RASSF3: variants seen among roughly 807,000 people sequenced by gnomAD.
RASSF3 encodes the protein ras association domain-containing protein 3.
RASSF3 carries 19 observed loss-of-function variants against 19.9 expected under a neutral mutation model. The observed-to-expected ratio is 0.96, with a 90% confidence interval of 0.67 to 1.40. The LOEUF (loss-of-function observed/expected upper bound fraction) is 1.40, where lower values mean the gene tolerates loss of function less well. RASSF3 is among the 40% of genes most tolerant of loss of function. The pLI is 0.00. For missense variants in RASSF3, 306 were observed against 289.8 expected (o/e 1.06, Z -0.41); for synonymous variants, 110 against 104.2 (o/e 1.06, Z -0.34).
intron 2 of RASSF3, among the ~76,000 whole-genome samples, chr12:64,547,692 T>C (rs956178118): frequency 8.5e-5 from 13 of 152,246 alleles, no homozygotes; most frequent in African/African-American, 2.7e-4. Flanking sequence ...TGAAAGCTGG[T>C]ATTCAGTTTC....
At chr12:64,583,969 A>C (rs1438839959) in intron 2 of RASSF3, among the ~76,000 whole-genome samples, 1 of 152,246 alleles carries the variant, frequency 6.6e-6, no homozygotes, top group African/African-American at 2.4e-5. Flanking sequence ...GTAGCTGCAC[A>C]GCTCTTACCC....
rs565630201 is a variant in RASSF3, at chr12:64,696,161, T to C, written c.*1249T>C. 2.0e-3 allele frequency: 215 copies of C among 106,070 alleles called. No individual in the cohort carries two copies. The highest frequency in any genetic ancestry group is 7.2e-3 in the African/African-American group (206 of 28,422). 6.6% of individuals were successfully genotyped at this position (106,070 alleles called of 1,614,324 possible). ...TCTCCCTCTCCCTTTCTTTTCTACA[T>C]TGAAATCTGTTCTTACATAATAGAG... On this transcript the variant is annotated 3_prime_UTR_variant, in exon 5 of 5. Coordinates refer to ENST00000542104, the MANE Select transcript of RASSF3 (RefSeq NM_178169.4).
chr12:64,570,123 C>T (rs1869495111), intron 2 of RASSF3, among the ~76,000 whole-genome samples: 1 of 152,166 alleles, frequency 6.6e-6, no homozygotes, highest in Non-Finnish European at 1.5e-5. Flanking sequence ...TCAGATTTGA[C>T]CTTGGCTCAC....
intron 1 of RASSF3, among the ~76,000 whole-genome samples, chr12:64,680,745 C>G (rs1303808376): frequency 6.6e-6 from 1 of 152,026 alleles, no homozygotes; most frequent in African/African-American, 2.4e-5. Flanking sequence ...TCCCAAGTAG[C>G]TGGGACTACA....
chr12:64,621,386 A>T (rs542459992), intron 1 of RASSF3, among the ~76,000 whole-genome samples: 82 of 152,282 alleles, frequency 5.4e-4, no homozygotes, highest in African/African-American at 1.8e-3. Context: ...GTGCATTTTT[A>T]GCTTGGTAGA....
intron 2 of RASSF3, among the ~76,000 whole-genome samples, chr12:64,581,159 A>C (rs1376614954): frequency 6.6e-6 from 1 of 151,954 alleles, no homozygotes; most frequent in Non-Finnish European, 1.5e-5. Context: ...ATTTAAGCTA[A>C]GCACTCATCC....
intron 2 of RASSF3, among the ~76,000 whole-genome samples, chr12:64,581,714 G>A (rs756440249): frequency 5.9e-5 from 9 of 152,056 alleles, no homozygotes; most frequent in Admixed American, 1.3e-4. Context: ...TACATATAAT[G>A]AAGACCTCAT....
At chr12:64,585,027 A>G (rs1869771264) in intron 2 of RASSF3, among the ~76,000 whole-genome samples, 1 of 151,412 alleles carries the variant, frequency 6.6e-6, no homozygotes, top group Non-Finnish European at 1.5e-5. Flanking sequence ...CTGGGACTAC[A>G]GGCGCATGCC....
Position 64,514,145 on chromosome 12 carries a change from C to A in RASSF3, c.169+6816C>A, listed in dbSNP as rs1191769196. Among the ~76,000 whole-genome samples, 5 of 149,924 alleles carry A rather than the reference C, an allele frequency of 3.3e-5. No homozygotes were observed. In the Admixed American group the frequency reaches 3.3e-4, roughly 10 times the overall value. ...CTCGTGATCCACCTGCCTCAGCCTC[C>A]CAAAGTGCTGGGATTACAGGCATGA... On this transcript the variant is annotated intron_variant, in intron 1 of 5. Coordinates refer to the RASSF3 transcript ENST00000637125.
rs1396930109 is a variant in RASSF3, at chr12:64,619,346, G to A, written c.111+8603G>A. ...GAACTTCCCTTTTTTTTTTCCACAT[G>A]AGCCAATAAGATAAAACTGACCTAA... On this transcript the variant is annotated intron_variant, in intron 1 of 4. Transcript: ENST00000542104. 2.6e-5 allele frequency among the ~76,000 whole-genome samples: 4 copies of A among 151,096 alleles called. No homozygotes were observed. The South Asian group carries it at 8.4e-4, about 32-fold the overall frequency.
At chr12:64,567,725 AAG>A (rs1266501364) in intron 2 of RASSF3, among the ~76,000 whole-genome samples, 2 of 152,224 alleles carry the variant, frequency 1.3e-5, no homozygotes, top group East Asian at 3.8e-4. Flanking sequence ...GTTCCCTGAT[AAG>A]AGTCTCACAA....
intron 1 of RASSF3, among the ~76,000 whole-genome samples, chr12:64,632,518 G>C (rs1208726864): frequency 1.3e-5 from 2 of 152,106 alleles, no homozygotes; most frequent in Non-Finnish European, 2.9e-5. Flanking sequence ...CAGTGGGAGA[G>C]AGAAGGACTC....
rs556353332 is a variant in RASSF3 at position 64,682,836 on chromosome 12, T to G, written c.112-1951T>G. Among the ~76,000 whole-genome samples, 156 of 152,310 alleles carry G rather than the reference T, an allele frequency of 1.0e-3. 1 individual carries two copies. The highest frequency in any genetic ancestry group is 3.5e-3 in the African/African-American group (144 of 41,578). The stretch of plus-strand genomic sequence containing the variant: ...AGAAAGAGGCGTGTTTACAAAGGCT[T>G]TATTTTGCAGGAGTAAATCATTGGA... On this transcript the variant is annotated intron_variant, in intron 1 of 4. Coordinates refer to ENST00000542104, the MANE Select transcript of RASSF3 (RefSeq NM_178169.4).
chr12:64,613,981 C>T (rs763557338), intron 1 of RASSF3, among the ~76,000 whole-genome samples: 7 of 152,040 alleles, frequency 4.6e-5, no homozygotes, highest in African/African-American at 7.2e-5. Flanking sequence ...ATAAAGGGAA[C>T]GAACATATGA....
At chr12:64,686,176 T>TG (rs1335244923) in intron 2 of RASSF3, among the ~76,000 whole-genome samples, 5 of 151,648 alleles carry the variant, frequency 3.3e-5, no homozygotes, top group Admixed American at 3.3e-4. Context: ...GAAATCCACT[T>TG]GCTATGTTTT....
intron 1 of RASSF3, among the ~76,000 whole-genome samples, chr12:64,634,208 A>G (rs1300638135): frequency 6.6e-6 from 1 of 152,066 alleles, no homozygotes. Context: ...GCTGTTAATC[A>G]TTAGTTCTCT....
chr12:64,658,108 T>A (rs1872222746), intron 1 of RASSF3, among the ~76,000 whole-genome samples: 1 of 152,126 alleles, frequency 6.6e-6, no homozygotes, highest in Non-Finnish European at 1.5e-5. Context: ...GAAGTGTGGG[T>A]GGTGTTATTT....
In RASSF3 at chr12:64,584,781, C is replaced by T. The variant is rs142174945; in HGVS notation, c.294+43076C>T. Reference sequence around the variant, plus strand: ...GAAGCATCCAACCCTTAGCAAATTTCGGGGGAGAGGGAGGTTTGGTTGGCT... The same window carrying T: ...GAAGCATCCAACCCTTAGCAAATTTTGGGGGAGAGGGAGGTTTGGTTGGCT... On this transcript the variant is annotated intron_variant, in intron 2 of 5. Coordinates refer to the RASSF3 transcript ENST00000637125. 5.0e-3 allele frequency among the ~76,000 whole-genome samples: 749 copies of T among 150,178 alleles called. 9 individuals are homozygous for T. The highest frequency in any genetic ancestry group is 0.017 in the African/African-American group (707 of 41,008).
At chr12:64,564,436 G>T (rs541860782) in intron 2 of RASSF3, among the ~76,000 whole-genome samples, 1 of 151,468 alleles carries the variant, frequency 6.6e-6, no homozygotes, top group African/African-American at 2.4e-5. Flanking sequence ...AGGCTGGAGT[G>T]CAATGGCATG....
Sources: allele counts gnomAD v4.1 joint callset (sites outside exome capture counted in the v4.1 genomes callset), GRCh38; gene constraint gnomAD v4.1.1; transcripts MANE v1.5; gene names NCBI Gene and HGNC (gene_info 2026-07-23, HGNC 2026-07-21).